Variants in SLC9A9 observed in about 807,000 individuals in gnomAD.
SLC9A9 encodes solute carrier family 9 member A9, also known as sodium/hydrogen exchanger 9.
In SLC9A9, 62 loss-of-function variants were observed where a neutral mutation model predicts 77.8. The observed-to-expected ratio is 0.80, with a 90% CI of 0.65 to 0.98. The LOEUF (loss-of-function observed/expected upper bound fraction) is 0.98. Ranked by LOEUF, SLC9A9 falls within the 50% of genes least tolerant of loss-of-function variation. The pLI is 0.00. For synonymous variants in SLC9A9, 320 were observed against 283.5 expected, an observed-to-expected ratio of 1.13 and a Z score of -1.29; for missense variants, 775 against 774.9, an observed-to-expected ratio of 1.00 and a Z score of 0.00.
chr3:143,497,846 T>C (rs1202645479), intron 9 of SLC9A9, among the ~76,000 whole-genome samples: 1 of 152,198 alleles, frequency 6.6e-6, no homozygotes, highest in East Asian at 1.9e-4. Flanking sequence ...TTTGTCTCTT[T>C]TCAGATAATA....
At chr3:143,364,225 G>GAA (rs397967506) in intron 13 of SLC9A9, among the ~76,000 whole-genome samples, 2 of 141,336 alleles carry the variant, frequency 1.4e-5, no homozygotes, top group African/African-American at 5.2e-5. Context: ...GATGAAATGT[G>GAA]AAAAAAAAAA....
chr3:143,439,117 T>A (rs1224614153), intron 12 of SLC9A9, among the ~76,000 whole-genome samples: 7 of 152,204 alleles, frequency 4.6e-5, no homozygotes, highest in Non-Finnish European at 1.0e-4. Flanking sequence ...TGACAGCCTA[T>A]AATATATGAC....
chr3:143,374,644 T>A (rs979051197), intron 13 of SLC9A9, among the ~76,000 whole-genome samples: 7 of 152,054 alleles, frequency 4.6e-5, no homozygotes, highest in African/African-American at 1.7e-4. Context: ...CAAAACAATT[T>A]TTTTGTGGGC....
chr3:143,301,644 C>T (rs562960289), intron 14 of SLC9A9, among the ~76,000 whole-genome samples: 5 of 152,328 alleles, frequency 3.3e-5, no homozygotes, highest in East Asian at 3.9e-4. Context: ...ACCTGGGGAT[C>T]TAGTGGAGCC....
chr3:143,488,499 CA>C (rs934520360), intron 11 of SLC9A9, among the ~76,000 whole-genome samples: 3 of 151,806 alleles, frequency 2.0e-5, no homozygotes, highest in Admixed American at 6.6e-5. Flanking sequence ...AAATTCTCAA[CA>C]AAAAACTAGC....
At chr3:143,695,472 G>A (rs1258838527) in intron 4 of SLC9A9, among the ~76,000 whole-genome samples, 1 of 152,126 alleles carries the variant, frequency 6.6e-6, no homozygotes, top group Non-Finnish European at 1.5e-5. Flanking sequence ...TGCTGAGAAT[G>A]ATGGTTTCCA....
chr3:143,624,244 A>G (rs1378122830), intron 6 of SLC9A9, among the ~76,000 whole-genome samples: 1 of 152,200 alleles, frequency 6.6e-6, no homozygotes, highest in Admixed American at 6.5e-5. Flanking sequence ...GAAAAGAGGG[A>G]ATCCTCCCTA....
At chr3:143,565,233 G>C (rs567672287) in intron 8 of SLC9A9, among the ~76,000 whole-genome samples, 5 of 152,058 alleles carry the variant, frequency 3.3e-5, no homozygotes, top group Non-Finnish European at 5.9e-5. Flanking sequence ...TCTCCATTTT[G>C]GTGAAATCAA....
chr3:143,406,374 T>A (rs771192348), intron 12 of SLC9A9, among the ~76,000 whole-genome samples: 4 of 152,190 alleles, frequency 2.6e-5, no homozygotes, highest in Non-Finnish European at 4.4e-5. Context: ...GATTTTATTT[T>A]TCCTGTATCT....
At chr3:143,507,932 G>A (rs2108602376) in intron 9 of SLC9A9, among the ~76,000 whole-genome samples, 1 of 152,218 alleles carries the variant, frequency 6.6e-6, no homozygotes, top group Non-Finnish European at 1.5e-5. Context: ...TCTAATAATG[G>A]CATGAATCCC....
chr3:143,607,344 T>C (rs1205407413), intron 6 of SLC9A9, among the ~76,000 whole-genome samples: 3 of 151,038 alleles, frequency 2.0e-5, no homozygotes, highest in African/African-American at 7.3e-5. Context: ...GAGGAAAGAG[T>C]AGGTGCATGA....
chr3:143,627,679 C>T, intron 6 of SLC9A9: 1 of 169,642 alleles, frequency 5.9e-6, no homozygotes, highest in Non-Finnish European at 1.3e-5. Flanking sequence ...CAAAACCCAA[C>T]ACCAGTTGAG....
chr3:143,344,136 G>T (rs957335998), intron 14 of SLC9A9, among the ~76,000 whole-genome samples: 1 of 152,128 alleles, frequency 6.6e-6, no homozygotes, highest in African/African-American at 2.4e-5. Flanking sequence ...TTAACAATTA[G>T]CTCATTATTA....
At chr3:143,692,842 C>A (rs914533819) in intron 5 of SLC9A9, among the ~76,000 whole-genome samples, 7 of 152,140 alleles carry the variant, frequency 4.6e-5, no homozygotes, top group African/African-American at 1.7e-4. Flanking sequence ...GTGCATAAAT[C>A]TCATTACGTT....
rs547469208 is a variant in SLC9A9, at chr3:143,339,930, C to T, written c.1604+23554G>A. 1.1e-4 allele frequency among the ~76,000 whole-genome samples: 16 copies of T among 152,164 alleles called. No individual in the cohort carries two copies. In the South Asian group the frequency reaches 3.3e-3, roughly 32 times the overall value. On this transcript the variant is annotated intron_variant, in intron 14 of 15. Transcript: ENST00000316549. ...GGTGTGCTATGTACAATTATGGCTT[C>T]CAAAAGGTATTAACTGACATAAAAA...
At chr3:143,779,422 C>T (rs984355385) in intron 4 of SLC9A9, among the ~76,000 whole-genome samples, 8 of 151,946 alleles carry the variant, frequency 5.3e-5, no homozygotes, top group South Asian at 2.1e-4. Flanking sequence ...CCCAGGCTGG[C>T]GTGAAGTGGC....
At chr3:143,315,213 T>C (rs954058858) in intron 14 of SLC9A9, among the ~76,000 whole-genome samples, 1 of 152,190 alleles carries the variant, frequency 6.6e-6, no homozygotes, top group African/African-American at 2.4e-5. Context: ...TAAAGACAAG[T>C]TGTAGTATAT....
chr3:143,555,542 G>C (rs962640060), intron 8 of SLC9A9, among the ~76,000 whole-genome samples: 1 of 152,120 alleles, frequency 6.6e-6, no homozygotes, highest in African/African-American at 2.4e-5. Context: ...TTTACTCAAG[G>C]TCACCTCTAA....
intron 4 of SLC9A9, among the ~76,000 whole-genome samples, chr3:143,749,101 A>G (rs1397884146): frequency 3.3e-5 from 5 of 152,236 alleles, no homozygotes; most frequent in Non-Finnish European, 5.9e-5. Context: ...AGACTAGTGA[A>G]GAAAATTTAA....
Sources: gnomAD v4.1 joint callset for allele counts (sites outside exome capture counted in the v4.1 genomes callset) on GRCh38, gnomAD v4.1.1 for gene constraint, MANE v1.5 for transcripts, NCBI Gene and HGNC (gene_info 2026-07-23, HGNC 2026-07-21) for gene names.